The following TNNT3 variants were observed in gnomAD, a reference collection of about 807,000 sequenced individuals.
TNNT3 encodes the protein troponin T, fast skeletal muscle.
In TNNT3, 36 loss-of-function variants were observed where a neutral mutation model predicts 54.2. That is an observed-to-expected ratio of 0.66 (90% CI 0.51 to 0.88). The LOEUF (loss-of-function observed/expected upper bound fraction) is 0.88, where lower values mean the gene tolerates loss of function less well. Ranked by LOEUF, TNNT3 falls within the 40% of genes least tolerant of loss-of-function variation. The probability of loss-of-function intolerance (pLI) is 0.00; values close to 1 mark genes in which losing one functional copy is unlikely to be tolerated. For synonymous variants in TNNT3, 120 were observed against 109.7 expected (o/e 1.09, Z -0.59); for missense variants, 291 against 331.6 (o/e 0.88, Z 0.95).
chr11:1,933,671 C>A, intron 9 of TNNT3, 50 bp from the exon 10 acceptor site: 1 of 1,464,264 alleles, frequency 6.8e-7, no homozygotes, highest in Non-Finnish European at 9.6e-7. Context: ...CCAGGCAGGG[C>A]AGAGGTTGGA....
chr11:1,937,012 C>G lies in TNNT3; in HGVS notation c.722+9C>G, dbSNP rs936654021. 2 of 1,596,024 alleles carry G rather than the reference C, an allele frequency of 1.3e-6. No homozygotes were observed. Among genetic ancestry groups the G allele is most frequent in the African/African-American group, 2.7e-5 (2 of 74,694 alleles). On this transcript the variant is annotated intron_variant, in intron 15 of 15. Coordinates refer to ENST00000278317, the MANE Select transcript of TNNT3 (RefSeq NM_006757.4). ...GACCAGGCCCAGAAGCAGTGAGTAG[C>G]CCTGCCGTCCTCGCTCCGCACTGGG...
At chr11:1,923,755 A>C (rs1188190257) in intron 4 of TNNT3, among the ~76,000 whole-genome samples, 183 bp downstream of exon 4, 1 of 152,136 alleles carries the variant, frequency 6.6e-6, no homozygotes, top group Non-Finnish European at 1.5e-5. Flanking sequence ...AATTAATGAT[A>C]AATGAGGCCA....
intron 5 of TNNT3, chr11:1,926,341 C>G: frequency 8.7e-7 from 1 of 1,150,928 alleles, no homozygotes; most frequent in Non-Finnish European, 1.3e-6. Context: ...GTGTCTTGCT[C>G]GCTCCCCGCA....
intron 6 of TNNT3, among the ~76,000 whole-genome samples, chr11:1,928,714 G>A (rs1852339049): frequency 6.6e-6 from 1 of 152,182 alleles, no homozygotes; most frequent in Admixed American, 6.5e-5. Flanking sequence ...CGAAGCAAAG[G>A]GGCTGCACCC....
In TNNT3 at chr11:1,921,911, C is replaced by T. The variant is rs561193050; in HGVS notation, c.-18-946C>T. On this transcript the variant is annotated intron_variant, in intron 1 of 15. Transcript: ENST00000278317. ...GCACGGTGGCCAGCTCACAGAGAGA[C>T]GGTCCCCAGCATGCTGGCCTGGCGC... is the stretch of plus-strand genomic sequence containing the variant. Among the ~76,000 whole-genome samples, 259 of 152,308 alleles carry T rather than the reference C, an allele frequency of 1.7e-3. 1 individual carries two copies. Among genetic ancestry groups the T allele is most frequent in the African/African-American group, 5.4e-3 (226 of 41,576 alleles).
intron 14 of TNNT3, chr11:1,935,636 G>C (rs1391793074): frequency 1.2e-5 from 2 of 172,832 alleles, no homozygotes; most frequent in African/African-American, 2.4e-5. Context: ...GGGGCGAGGG[G>C]TGAGGGGCGC....
chr11:1,923,168 A>G (rs1026694266), intron 3 of TNNT3, 107 bp downstream of exon 3: 48 of 1,469,834 alleles, frequency 3.3e-5, no homozygotes, highest in Non-Finnish European at 4.3e-5. Flanking sequence ...ACAGCCCTAC[A>G]TCAGCTGCAT....
At chr11:1,923,454 G>GC in intron 3 of TNNT3, 101 bp from the exon 4 acceptor site, 1 of 1,317,650 alleles carries the variant, frequency 7.6e-7, no homozygotes, top group South Asian at 1.2e-5. Context: ...GGCAGTCGCT[G>GC]GCCTGTCCAG....
Position 1,929,162 on chromosome 11 carries a change from C to A in TNNT3, c.106+19C>A, listed in dbSNP as rs768180865. On this transcript the variant is annotated intron_variant, in intron 7 of 15. Coordinates refer to ENST00000278317, the MANE Select transcript of TNNT3 (RefSeq NM_006757.4). ...GCGGAAGGTAAGGGCCCGTCCCTGCCGCCGGAGGTGCAGGACCCTGGCTCT... is the reference window on the plus strand; with the variant it reads ...GCGGAAGGTAAGGGCCCGTCCCTGCAGCCGGAGGTGCAGGACCCTGGCTCT... 2 of 1,612,244 alleles carry A rather than the reference C, an allele frequency of 1.2e-6. No individual in the cohort carries two copies. The highest frequency in any genetic ancestry group is 1.7e-6 in the Non-Finnish European group (2 of 1,179,906).
chr11:1,922,765 C>T, intron 1 of TNNT3, 92 bp from the exon 2 acceptor site: 3 of 1,339,906 alleles, frequency 2.2e-6, no homozygotes, highest in Non-Finnish European at 3.2e-6. Flanking sequence ...CACAGCGCTG[C>T]TCCAAGACCC....
At chr11:1,931,893 G>A (rs1206204045) in intron 8 of TNNT3, among the ~76,000 whole-genome samples, 1 of 152,054 alleles carries the variant, frequency 6.6e-6, no homozygotes, top group Non-Finnish European at 1.5e-5. Flanking sequence ...AAAAATTGTT[G>A]TTGTTTTAAC....
At chr11:1,928,949 C>T (rs566870403) in intron 6 of TNNT3, 171 bp from the exon 7 acceptor site, 16 of 772,448 alleles carry the variant, frequency 2.1e-5, no homozygotes, top group East Asian at 1.0e-4. Flanking sequence ...ATTGATTCAC[C>T]GGCCCCAGCT....
chr11:1,920,853 T>C (rs1412315505), intron 1 of TNNT3, among the ~76,000 whole-genome samples: 2 of 142,018 alleles, frequency 1.4e-5, no homozygotes, highest in East Asian at 2.0e-4. Flanking sequence ...CACCAGCCCC[T>C]CCCCGCAACA....
At chr11:1,936,379 C>T (rs753983278) in intron 14 of TNNT3, 162 of 1,069,320 alleles carry the variant, frequency 1.5e-4, no homozygotes, top group Admixed American at 2.9e-4. Context: ...GAGCCTTCCT[C>T]CTGCCCCCGC....
rs752762981 is a variant in TNNT3 at position 1,923,544 on chromosome 11, T to C, written c.32-11T>C. ...TAACGTGGTTCCCCTCTTTGTTCTGTCCCAATGCAGAGCAGTACGAAGAAG... is the reference window on the plus strand; with the variant it reads ...TAACGTGGTTCCCCTCTTTGTTCTGCCCCAATGCAGAGCAGTACGAAGAAG... On this transcript the variant is annotated splice_polypyrimidine_tract_variant and intron_variant, in intron 3 of 15. Coordinates refer to ENST00000278317, the MANE Select transcript of TNNT3 (RefSeq NM_006757.4). 1.2e-6 allele frequency: 2 copies of C among 1,613,846 alleles called. No homozygotes were observed. The highest frequency in any genetic ancestry group is 2.2e-5 in the South Asian group (2 of 91,064).
Position 1,933,912 on chromosome 11 carries a change from C to T in TNNT3, c.289-19C>T. 6.2e-7 allele frequency: 1 copy of T among 1,612,762 alleles called. No individual in the cohort carries two copies. The highest frequency in any genetic ancestry group is 8.5e-7 in the Non-Finnish European group (1 of 1,179,964). Reference sequence around the variant, plus strand: ...GGAGCCGGGGACAGGGCTGAGCAGACCCCCTTCTCTGGCTGCAGGAGAAGC... The same window carrying T: ...GGAGCCGGGGACAGGGCTGAGCAGATCCCCTTCTCTGGCTGCAGGAGAAGC... On this transcript the variant is annotated intron_variant, in intron 10 of 15. Transcript: ENST00000278317.
At chr11:1,937,212 G>A (rs777064166) in intron 15 of TNNT3, among the ~76,000 whole-genome samples, 1 of 152,136 alleles carries the variant, frequency 6.6e-6, no homozygotes, top group Non-Finnish European at 1.5e-5. Context: ...GGGAGCCCTG[G>A]GGGGTGGCAG....
intron 1 of TNNT3, among the ~76,000 whole-genome samples, chr11:1,922,187 C>G (rs1564794188): frequency 6.6e-6 from 1 of 152,142 alleles, no homozygotes; most frequent in Non-Finnish European, 1.5e-5. Flanking sequence ...ACAGGGGTAA[C>G]AAGAAGGAAC....
intron 15 of TNNT3, 97 bp downstream of exon 15, chr11:1,937,100 C>A: frequency 1.5e-6 from 2 of 1,336,450 alleles, no homozygotes; most frequent in South Asian, 1.3e-5. Flanking sequence ...GGTGGCTGGC[C>A]TCGGCAGGGC....
Sources: allele counts gnomAD v4.1 joint callset (sites outside exome capture counted in the v4.1 genomes callset), GRCh38; gene constraint gnomAD v4.1.1; transcripts MANE v1.5; gene names NCBI Gene and HGNC (gene_info 2026-07-23, HGNC 2026-07-21).